PXK: variants seen among roughly 807,000 people sequenced by gnomAD.
PXK encodes the protein PX domain containing serine/threonine kinase like, also known as PX domain-containing protein kinase-like protein.
Under a neutral mutation model 84.7 loss-of-function variants are expected in PXK, and 35 were observed. The observed-to-expected ratio is 0.41, with a 90% CI of 0.32 to 0.55. The LOEUF (loss-of-function observed/expected upper bound fraction) is 0.55, where lower values mean the gene tolerates loss of function less well. Ranked by LOEUF, PXK falls within the 20% of genes least tolerant of loss-of-function variation. PXK has a pLI of 0.21. For synonymous variants in PXK, 253 were observed against 260.8 expected, an observed-to-expected ratio of 0.97 and a Z score of 0.29; for missense variants, 634 against 699.7, an observed-to-expected ratio of 0.91 and a Z score of 1.06.
At chr3:58,353,709 T>G (rs778018932) in intron 1 of PXK, among the ~76,000 whole-genome samples, 4 of 152,204 alleles carry the variant, frequency 2.6e-5, no homozygotes, top group Non-Finnish European at 5.9e-5. Flanking sequence ...CTGCTGCCTA[T>G]GGCTGCAGCT....
intron 1 of PXK, among the ~76,000 whole-genome samples, chr3:58,343,321 A>G (rs1249165217): frequency 1.3e-5 from 2 of 152,234 alleles, no homozygotes. Flanking sequence ...GACCTCTAGC[A>G]TCAGGCAGCA....
At chr3:58,386,244 T>C in intron 4 of PXK, among the ~76,000 whole-genome samples, 1 of 150,722 alleles carries the variant, frequency 6.6e-6, no homozygotes, top group East Asian at 2.0e-4. Flanking sequence ...CTCCTGGTCC[T>C]GAGAAGTTTG....
intron 2 of PXK, among the ~76,000 whole-genome samples, chr3:58,368,587 G>A (rs1421787194): frequency 6.6e-6 from 1 of 152,188 alleles, no homozygotes; most frequent in African/African-American, 2.4e-5. Context: ...CTCCCAAAGT[G>A]CTGGGATTAC....
intron 1 of PXK, among the ~76,000 whole-genome samples, chr3:58,348,518 A>G (rs778393358): frequency 2.0e-5 from 3 of 152,228 alleles, no homozygotes; most frequent in Non-Finnish European, 2.9e-5. Context: ...TCTAGTAGCC[A>G]TGTTAAAAAA....
At chr3:58,419,472 C>T (rs888598950) in intron 17 of PXK, among the ~76,000 whole-genome samples, 2 of 152,218 alleles carry the variant, frequency 1.3e-5, no homozygotes, top group African/African-American at 4.8e-5. Flanking sequence ...AGGCTGGTCT[C>T]GAACTTCTGG....
Position 58,409,740 on chromosome 3 carries a change from T to A in PXK, c.1395+122T>A. 1.2e-6 allele frequency: 1 copy of A among 800,632 alleles called. No individual in the cohort carries two copies. The highest frequency in any genetic ancestry group is 1.9e-6 in the Non-Finnish European group (1 of 521,452). 49.6% of individuals were successfully genotyped at this position (800,632 alleles called of 1,614,324 possible). A position where few individuals can be genotyped will look rare whatever the true frequency, so the allele number is the denominator to read the frequency against. ...GCTATATCTCCTTGAAAGCTAAGAC[T>A]ATTTCCAGATGACTGGGGTGCAGTT... On this transcript the variant is annotated intron_variant, in intron 15 of 17. Transcript: ENST00000356151. The surrounding 1 kb of genome is among the most constrained non-coding windows in gnomAD (Gnocchi z 4.2).
rs1045568738 is a variant in PXK at position 58,422,669 on chromosome 3, G to A, written c.1529-2083G>A. 23 of 985,194 alleles carry A rather than the reference G, an allele frequency of 2.3e-5. 1 individual carries two copies. In the African/African-American group the frequency reaches 3.3e-4, roughly 14 times the overall value. 61.0% of individuals were successfully genotyped at this position (985,194 alleles called of 1,614,324 possible). On this transcript the variant is annotated intron_variant, in intron 17 of 17. Coordinates refer to ENST00000356151, the MANE Select transcript of PXK (RefSeq NM_017771.5). ...CTAATTTTGAGGGCCTGGTAATGAC[G>A]CCAAAACCAAGGGTTGGTTCTCTGT...
At chr3:58,406,929 G>T (rs574808901) in intron 13 of PXK, among the ~76,000 whole-genome samples, 66 of 152,268 alleles carry the variant, frequency 4.3e-4, no homozygotes, top group African/African-American at 1.6e-3. Flanking sequence ...TCCATTGTAT[G>T]TATATGCCAC....
At position 58,399,564 on chromosome 3, in the gene PXK, G is replaced by T. The variant is rs137951844; in HGVS notation, c.1181+187G>T. On this transcript the variant is annotated intron_variant, in intron 12 of 17. Coordinates refer to ENST00000356151, the MANE Select transcript of PXK (RefSeq NM_017771.5). This position sits in a 1 kb window ranked among gnomAD's most constrained non-coding sequence, Gnocchi z 4.3. ...TGTTTGTGACCTCTGTGCTCTCCTG[G>T]TCTGATGGCTATCCTTTAACATCTG... Among the ~76,000 whole-genome samples the T allele has an allele frequency of 9.9e-4, 151 of 152,246 alleles. No individual in the cohort carries two copies. Among genetic ancestry groups the T allele is most frequent in the Non-Finnish European group, 1.7e-3 (119 of 68,016 alleles).
chr3:58,376,437 T>G (rs551074581), intron 3 of PXK, among the ~76,000 whole-genome samples: 1 of 151,980 alleles, frequency 6.6e-6, no homozygotes, highest in Non-Finnish European at 1.5e-5. Flanking sequence ...ATAAATAAAA[T>G]TAATTAATTA....
chr3:58,336,071 A>T (rs1212924887), intron 1 of PXK, among the ~76,000 whole-genome samples: 537 of 51,480 alleles, frequency 0.01, 12 homozygotes, highest in African/African-American at 0.021. Context: ...ATATATATAT[A>T]TTTTTTTTTT....
At chr3:58,345,224 G>T (rs1225643908) in intron 1 of PXK, among the ~76,000 whole-genome samples, 1 of 152,148 alleles carries the variant, frequency 6.6e-6, no homozygotes, top group Non-Finnish European at 1.5e-5. Context: ...TAGGGAACTC[G>T]GAGTGGTTAA....
At position 58,412,993 on chromosome 3, in the gene PXK, C is replaced by G; in HGVS notation, c.1528+30C>G. 10 of 1,610,566 alleles carry G rather than the reference C, an allele frequency of 6.2e-6. No homozygotes were observed. The highest frequency in any genetic ancestry group is 8.5e-6 in the Non-Finnish European group (10 of 1,176,916). ...GTGATGGAGTAAAGTGACATGCCAC[C>G]TTCCTGTCCGCCAACAGGAGGAGCG... On this transcript the variant is annotated intron_variant, in intron 17 of 17. Transcript: ENST00000356151. This position sits in a 1 kb window ranked among gnomAD's most constrained non-coding sequence, Gnocchi z 6.2.
chr3:58,342,634 C>CAAAAAAAAAAAAAAAAAAAAAA (rs71091369), intron 1 of PXK, among the ~76,000 whole-genome samples: 18 of 113,442 alleles, frequency 1.6e-4, no homozygotes, highest in East Asian at 6.1e-4. Flanking sequence ...GACTCTGTCT[C>CAAAAAAAAAAAAAAAAAAAAAA]AAAAAAAAAA....
rs1466516666 is a variant in PXK, at chr3:58,332,986, G to C, written c.-3G>C. 7.3e-7 allele frequency: 1 copy of C among 1,365,330 alleles called. No individual in the cohort carries two copies. The allele number at this position is 1,365,330 out of a possible 1,614,324, so 84.6% of individuals were successfully genotyped here. A position where few individuals can be genotyped will look rare whatever the true frequency, so the allele number is the denominator to read the frequency against. On this transcript the variant is annotated 5_prime_UTR_variant, in exon 1 of 18. Coordinates refer to ENST00000356151, the MANE Select transcript of PXK (RefSeq NM_017771.5). This position sits in a 1 kb window ranked among gnomAD's most constrained non-coding sequence, Gnocchi z 5.6. ...CTAGGCGGCGGCGGCCGGGCGTCCCGGGATGGCCTTCATGGAGAAGCCGCC... is the reference window on the plus strand; with the variant it reads ...CTAGGCGGCGGCGGCCGGGCGTCCCCGGATGGCCTTCATGGAGAAGCCGCC...
intron 1 of PXK, among the ~76,000 whole-genome samples, chr3:58,348,100 G>C (rs1406548544): frequency 1.3e-5 from 2 of 152,098 alleles, no homozygotes; most frequent in Non-Finnish European, 2.9e-5. Flanking sequence ...AGTAGAGGTG[G>C]GGTTTTGCTA....
intron 4 of PXK, among the ~76,000 whole-genome samples, chr3:58,389,580 T>C (rs562898656): frequency 5.3e-5 from 8 of 152,012 alleles, no homozygotes; most frequent in South Asian, 2.1e-4. Context: ...CCCAGCACTT[T>C]GGGAGGTCGA....
In PXK at chr3:58,333,182, C is replaced by G; in HGVS notation, c.102+92C>G. The G allele has an allele frequency of 1.3e-6, 1 of 756,804 alleles. No homozygotes were observed. Among genetic ancestry groups the G allele is most frequent in the South Asian group, 5.7e-5 (1 of 17,412 alleles). The allele number at this position is 756,804 out of a possible 1,614,324, so 46.9% of individuals were successfully genotyped here. A position where few individuals can be genotyped will look rare whatever the true frequency, so the allele number is the denominator to read the frequency against. ...CCTGGCGCGGGCCGGGCAGGGTCGT[C>G]GGACGGAGACCGGGCCACAGGGTGG... is the stretch of plus-strand genomic sequence containing the variant. On this transcript the variant is annotated intron_variant, in intron 1 of 17. Transcript: ENST00000356151. The surrounding 1 kb of genome is among the most constrained non-coding windows in gnomAD (Gnocchi z 5.4).
At chr3:58,419,325 C>T (rs904981780) in intron 17 of PXK, among the ~76,000 whole-genome samples, 16 of 152,248 alleles carry the variant, frequency 1.1e-4, no homozygotes, top group Non-Finnish European at 1.6e-4. Context: ...GATCTTGGCT[C>T]ACTGCAGCCT....
Sources: gnomAD v4.1 joint callset for allele counts (sites outside exome capture counted in the v4.1 genomes callset) on GRCh38, gnomAD v4.1.1 for gene constraint, Gnocchi (gnomAD v3.1) non-coding constraint, MANE v1.5 for transcripts, NCBI Gene and HGNC (gene_info 2026-07-23, HGNC 2026-07-21) for gene names.